The following RALGPS1 variants were observed in gnomAD, a reference collection of about 807,000 sequenced individuals.
RALGPS1 encodes the protein Ral GEF with PH domain and SH3 binding motif 1.
A neutral mutation model predicts 78.8 loss-of-function variants in RALGPS1; 19 were observed. That is an observed-to-expected ratio of 0.24 (90% confidence interval 0.17 to 0.35). RALGPS1 has a LOEUF of 0.35. Ranked by LOEUF, RALGPS1 falls within the 10% of genes least tolerant of loss-of-function variation. RALGPS1 has a pLI of 1.00. For synonymous variants in RALGPS1, 228 were observed against 256.3 expected, an observed-to-expected ratio of 0.89 and a Z score of 1.06; for missense variants, 454 against 688.3, an observed-to-expected ratio of 0.66 and a Z score of 3.81.
intron 7 of RALGPS1, among the ~76,000 whole-genome samples, chr9:127,062,963 C>T (rs921934880): frequency 2.6e-5 from 4 of 152,132 alleles, no homozygotes; most frequent in African/African-American, 9.7e-5. Flanking sequence ...ATCCATTGGT[C>T]CATAGATTAT....
intron 4 of RALGPS1, among the ~76,000 whole-genome samples, chr9:126,996,872 T>C (rs1000473135): frequency 2.0e-5 from 3 of 152,188 alleles, no homozygotes; most frequent in Non-Finnish European, 2.9e-5. Context: ...GCAAGGCTGG[T>C]TCAACATACA....
intron 7 of RALGPS1, among the ~76,000 whole-genome samples, chr9:127,059,966 G>A (rs1047036637): frequency 1.3e-5 from 2 of 152,036 alleles, no homozygotes; most frequent in Admixed American, 6.6e-5. Flanking sequence ...AAACCAACAA[G>A]CAAAGCTAAA....
intron 14 of RALGPS1, 68 bp downstream of exon 14, chr9:127,199,134 GC>G (rs2061488471): frequency 1.3e-6 from 2 of 1,486,716 alleles, no homozygotes; most frequent in Non-Finnish European, 1.9e-6. Flanking sequence ...CCGAAGACAG[GC>G]CCCGGGCAGG....
intron 5 of RALGPS1, among the ~76,000 whole-genome samples, chr9:127,048,959 T>C (rs2048056146): frequency 6.6e-6 from 1 of 152,238 alleles, no homozygotes; most frequent in East Asian, 1.9e-4. Context: ...TTGGTTTCTC[T>C]TTCTTTGCTT....
chr9:126,981,219 T>A (rs2041221245), intron 4 of RALGPS1, among the ~76,000 whole-genome samples: 1 of 152,144 alleles, frequency 6.6e-6, no homozygotes, highest in Non-Finnish European at 1.5e-5. Context: ...CCTGGATACT[T>A]TTGGATGGTA....
intron 10 of RALGPS1, among the ~76,000 whole-genome samples, chr9:127,173,377 T>G (rs539185725): frequency 7.9e-5 from 12 of 152,346 alleles, no homozygotes; most frequent in Admixed American, 5.9e-4. Context: ...TCATTGGGCT[T>G]GACAGGAGCC....
chr9:127,020,291 G>A (rs1214820531), intron 4 of RALGPS1, among the ~76,000 whole-genome samples: 4 of 152,294 alleles, frequency 2.6e-5, no homozygotes, highest in East Asian at 1.9e-4. Context: ...AAGGCAGTGC[G>A]AAGATTAGGT....
chr9:126,969,227 T>A (rs1230002533), intron 3 of RALGPS1, among the ~76,000 whole-genome samples: 1 of 152,210 alleles, frequency 6.6e-6, no homozygotes, highest in Non-Finnish European at 1.5e-5. Context: ...GTCTTCAAAA[T>A]CCGATGTGTG....
intron 8 of RALGPS1, among the ~76,000 whole-genome samples, chr9:127,126,387 AGCTTCTTGGACCTATAT>A (rs2056619289): frequency 3.3e-5 from 5 of 152,020 alleles, no homozygotes; most frequent in African/African-American, 1.2e-4. Flanking sequence ...GGGTTTACTG[AGCTTCTTGGACCTATAT>A]GTTTTTACTA....
At chr9:126,997,146 C>T (rs902963246) in intron 4 of RALGPS1, among the ~76,000 whole-genome samples, 5 of 152,216 alleles carry the variant, frequency 3.3e-5, no homozygotes, top group African/African-American at 1.2e-4. Context: ...CCTCTCTCAC[C>T]ACTCCTATTC....
intron 1 of RALGPS1, among the ~76,000 whole-genome samples, chr9:126,949,291 A>G (rs1037211630): frequency 2.0e-5 from 3 of 152,208 alleles, no homozygotes; most frequent in Non-Finnish European, 4.4e-5. Flanking sequence ...ATGTGTCTTT[A>G]TAGCAGCATG....
intron 11 of RALGPS1, among the ~76,000 whole-genome samples, chr9:127,182,368 T>TCCTTCCTTCCTTCCTC: frequency 1.5e-5 from 1 of 66,862 alleles, no homozygotes; most frequent in South Asian, 6.2e-4. Flanking sequence ...CTTCCTTCCT[T>TCCTTCCTTCCTTCCTC]CCTCCCTCCC....
intron 11 of RALGPS1, among the ~76,000 whole-genome samples, chr9:127,194,036 GCA>G (rs1410104719): frequency 1.3e-5 from 2 of 152,338 alleles, no homozygotes; most frequent in East Asian, 3.9e-4. Flanking sequence ...TGTGTATTGT[GCA>G]CAGTGAGGTT....
intron 8 of RALGPS1, among the ~76,000 whole-genome samples, chr9:127,116,299 C>G (rs999194518): frequency 2.0e-5 from 3 of 151,768 alleles, no homozygotes; most frequent in African/African-American, 7.3e-5. Context: ...GGGTTGTGGT[C>G]ACACCATGAG....
At chr9:127,194,073 G>A (rs2061222638) in intron 11 of RALGPS1, among the ~76,000 whole-genome samples, 1 of 152,214 alleles carries the variant, frequency 6.6e-6, no homozygotes, top group African/African-American at 2.4e-5. Context: ...CCTGGCTCTG[G>A]TGACCTGTTA....
At chr9:127,113,800 T>C (rs1406316343) in intron 8 of RALGPS1, among the ~76,000 whole-genome samples, 2 of 152,204 alleles carry the variant, frequency 1.3e-5, no homozygotes, top group African/African-American at 4.8e-5. Context: ...TCCCACCCAG[T>C]CTCCGGTGGG....
At chr9:126,940,240 T>C (rs1408005704) in intron 1 of RALGPS1, among the ~76,000 whole-genome samples, 1 of 152,088 alleles carries the variant, frequency 6.6e-6, no homozygotes. Context: ...AGTGAGTACA[T>C]TCAGATGTCG....
chr9:127,177,546 T>TGCCTCAGCCTCAGCCTCA (rs201665675), intron 11 of RALGPS1, among the ~76,000 whole-genome samples: 7 of 152,050 alleles, frequency 4.6e-5, no homozygotes, highest in Admixed American at 3.3e-4. Context: ...CCCAGGGCCC[T>TGCCTCAGCCTCAGCCTCA]GCCTCAGCCT....
At position 127,222,099 on chromosome 9, in the gene RALGPS1, C is replaced by T. The variant is rs1331433975; in HGVS notation, c.*3330C>T. On this transcript the variant is annotated 3_prime_UTR_variant, in exon 19 of 19. Coordinates refer to ENST00000259351, the MANE Select transcript of RALGPS1 (RefSeq NM_014636.3). ...AAAACCACCCATTCATTCATTTATT[C>T]ATTCACAGCACTAGCAAGTGCTGCC... The T allele has an allele frequency of 5.3e-5, 8 of 152,234 alleles. No homozygotes were observed. 9.4% of individuals were successfully genotyped at this position (152,234 alleles called of 1,614,324 possible).
Sources: gnomAD v4.1 joint callset for allele counts (sites outside exome capture counted in the v4.1 genomes callset) on GRCh38, gnomAD v4.1.1 for gene constraint, MANE v1.5 for transcripts, NCBI Gene and HGNC (gene_info 2026-07-23, HGNC 2026-07-21) for gene names.